Variants in SECTM1 observed in about 807,000 individuals in gnomAD.
SECTM1 encodes secreted and transmembrane 1.
Under a neutral mutation model 18.1 loss-of-function variants are expected in SECTM1, and 10 were observed. The ratio of observed to expected loss-of-function variants is 0.55; its 90% CI spans 0.34 to 0.94. The LOEUF is 0.94. Ranked by LOEUF, SECTM1 falls within the 40% of genes least tolerant of loss-of-function variation. SECTM1 has a pLI of 0.02. For missense variants in SECTM1, 297 were observed against 322.6 expected, an observed-to-expected ratio of 0.92 and a Z score of 0.61; for synonymous variants, 137 against 139.2, an observed-to-expected ratio of 0.98 and a Z score of 0.11.
In SECTM1 at chr17:82,323,003, G is replaced by A. The variant is rs1242360294; in HGVS notation, c.412C>T (p.Pro138Ser). 6.2e-7 allele frequency: 1 copy of A among 1,612,226 alleles called. No homozygotes were observed. Among genetic ancestry groups the A allele is most frequent in the African/African-American group, 1.3e-5 (1 of 75,016 alleles). The change falls in exon 4 of 5, where the codon CCC becomes TCC. Residue 138 changes from proline (P) to serine (S), a missense_variant. By Grantham distance (74) the Pro-to-Ser change is moderately conservative. Transcript: ENST00000269389. ...QVTLEVSGAEPQSAPDTGFWP... is the reference protein window; with the variant it reads ...QVTLEVSGAESQSAPDTGFWP... ...AACCCAGTGTCGGGGGCGGACTGGGGTTCTGCACCTGAAGGAGGCAGTTCA... is the reference window on the plus strand; with the variant it reads ...AACCCAGTGTCGGGGGCGGACTGGGATTCTGCACCTGAAGGAGGCAGTTCA...
rs1043492022 is a variant in SECTM1, at chr17:82,330,001, T to C, written c.-52-2709A>G. 6.6e-6 allele frequency among the ~76,000 whole-genome samples: 1 copy of C among 152,156 alleles called. No individual in the cohort carries two copies. Among genetic ancestry groups the C allele is most frequent in the Non-Finnish European group, 1.5e-5 (1 of 68,016 alleles). ...ATGAGGACGTGACATCTTTGGGGAC[T>C]GGTAGCCGACCACAGAACCCCCACC... is the stretch of plus-strand genomic sequence containing the variant. On this transcript the variant is annotated intron_variant, in intron 1 of 4. Transcript: ENST00000269389. The surrounding 1 kb of genome is among the most constrained non-coding windows in gnomAD (Gnocchi z 6.1).
At position 82,323,019 on chromosome 17, in the gene SECTM1, A is replaced by C. The variant is rs372137627; in HGVS notation, c.404-8T>G. On this transcript the variant is annotated splice_polypyrimidine_tract_variant and splice_region_variant and intron_variant, in intron 3 of 4. Coordinates refer to ENST00000269389, the MANE Select transcript of SECTM1 (RefSeq NM_003004.3). ...CGGACTGGGGTTCTGCACCTGAAGG[A>C]GGCAGTTCAGGGGTGTACAGGTGGG... The C allele has an allele frequency of 1.8e-5, 29 of 1,608,092 alleles. No individual in the cohort carries two copies. The African/African-American group carries it at 3.3e-4, about 19-fold the overall frequency.
Position 82,328,822 on chromosome 17 carries a change from C to T in SECTM1, c.-52-1530G>A, listed in dbSNP as rs1480215850. On this transcript the variant is annotated intron_variant, in intron 1 of 4. Coordinates refer to ENST00000269389, the MANE Select transcript of SECTM1 (RefSeq NM_003004.3). The surrounding 1 kb of genome is among the most constrained non-coding windows in gnomAD (Gnocchi z 5.8). ...GGTTCGTGGCCAGGCTGCCCTGCCT[C>T]TCGGGTGCCTGCACCCCTGCTAGGA... is the stretch of plus-strand genomic sequence containing the variant. Among the ~76,000 whole-genome samples the T allele has an allele frequency of 6.6e-6, 1 of 152,166 alleles. No individual in the cohort carries two copies. Among genetic ancestry groups the T allele is most frequent in the East Asian group, 1.9e-4 (1 of 5,184 alleles).
rs1028524548 is a variant in SECTM1 at position 82,325,641 on chromosome 17, G to A, written c.95-751C>T. ...TCCTGGGTGAACCCTGCCCCATAGC[G>A]ACCCGTGCAGCTGCTTCCCTCAGAG... On this transcript the variant is annotated intron_variant, in intron 2 of 4. Transcript: ENST00000269389. This position sits in a 1 kb window ranked among gnomAD's most constrained non-coding sequence, Gnocchi z 7.6. 2.0e-5 allele frequency among the ~76,000 whole-genome samples: 3 copies of A among 152,180 alleles called. No homozygotes were observed. The highest frequency in any genetic ancestry group is 2.9e-5 in the Non-Finnish European group (2 of 68,030).
chr17:82,323,256 C>T (rs960921743), intron 3 of SECTM1: 1 of 526,746 alleles, frequency 1.9e-6, no homozygotes, highest in Non-Finnish European at 3.4e-6. Context: ...GAAACATCTA[C>T]CCCTGGATGT....
chr17:82,322,175 C>G lies in SECTM1; in HGVS notation c.733G>C (p.Ala245Pro). Residue 245 changes from alanine (A) to proline (P), a missense_variant, in exon 5 of 5, where the codon GCC (alanine) becomes CCC (proline). Coordinates refer to ENST00000269389, the MANE Select transcript of SECTM1 (RefSeq NM_003004.3). ...LLSPQPLFPY[A>P]ADP ...CTTGCAGGCGGCTATGGGTCTGCGGCATATGGAAACAAGGGTTGGGGGGAC... is the reference window on the plus strand; with the variant it reads ...CTTGCAGGCGGCTATGGGTCTGCGGGATATGGAAACAAGGGTTGGGGGGAC... 1 of 1,613,756 alleles carries G rather than the reference C, an allele frequency of 6.2e-7. No homozygotes were observed. Among genetic ancestry groups the G allele is most frequent in the South Asian group, 1.1e-5 (1 of 91,084 alleles).
chr17:82,332,988 C>T (rs992560296), intron 1 of SECTM1, among the ~76,000 whole-genome samples: 2 of 152,252 alleles, frequency 1.3e-5, no homozygotes, highest in Admixed American at 1.3e-4. Flanking sequence ...CAGTAGTGGG[C>T]AAGGAACTGA....
rs765102106 is a variant in SECTM1 at position 82,324,805 on chromosome 17, G to A, written c.180C>T (p.Ala60=). Residue 60 remains alanine (A), a synonymous_variant, in exon 3 of 5, where the codon GCC becomes GCT. Coordinates refer to ENST00000269389, the MANE Select transcript of SECTM1 (RefSeq NM_003004.3). The part of the protein sequence containing the change: ...NTVMSCNISN[A]FSHVNIKLRA... The stretch of plus-strand genomic sequence containing the variant: ...GCAGCTTGATGTTGACATGGGAGAA[G>A]GCGTTGGAGATGTTGCAGGACATGA... The A allele has an allele frequency of 6.2e-7, 1 of 1,614,132 alleles. No homozygotes were observed. The highest frequency in any genetic ancestry group is 1.1e-5 in the South Asian group (1 of 91,082).
chr17:82,324,867 C>A lies in SECTM1; in HGVS notation c.118G>T (p.Glu40Ter), dbSNP rs746572034. Reference protein sequence around the residue: ...NEGWDSPICTEGVVSVSWGEN... With the variant: ...NEGWDSPICT ...CCCCAAGACACAGAGACTACCCCCT[C>A]TGTGCAGATGGGGCTGTCCCAGCCT... The change falls in exon 3 of 5, where the codon GAG becomes TAG. Residue 40 changes from glutamate (E) to a stop codon, truncating the protein, a stop_gained. Transcript: ENST00000269389. LOFTEE classifies it high-confidence loss of function. 6.2e-7 allele frequency: 1 copy of A among 1,613,254 alleles called. No individual in the cohort carries two copies. The highest frequency in any genetic ancestry group is 2.2e-5 in the East Asian group (1 of 44,852).
intron 1 of SECTM1, 44 bp from the exon 2 acceptor site, chr17:82,327,336 T>G: frequency 1.8e-6 from 2 of 1,140,818 alleles, no homozygotes; most frequent in Non-Finnish European, 2.5e-6. Context: ...CTGCAGCTGC[T>G]GAAGGGGACA....
At chr17:82,333,142 C>T (rs1394243059) in intron 1 of SECTM1, among the ~76,000 whole-genome samples, 2 of 152,220 alleles carry the variant, frequency 1.3e-5, no homozygotes, top group African/African-American at 2.4e-5. Context: ...GTGCAACAGT[C>T]CACGCGTGCC....
Position 82,330,958 on chromosome 17 carries a change from C to T in SECTM1, c.-53+2742G>A, listed in dbSNP as rs1218502530. ...AGTCCCTTTAGCCCAACTGTGGTGG[C>T]GGCCGCTGCTTCTCACACGCGGGTC... On this transcript the variant is annotated intron_variant, in intron 1 of 4. Transcript: ENST00000269389. This position sits in a 1 kb window ranked among gnomAD's most constrained non-coding sequence, Gnocchi z 6.1. Among the ~76,000 whole-genome samples, 6 of 152,198 alleles carry T rather than the reference C, an allele frequency of 3.9e-5. No individual in the cohort carries two copies. The highest frequency in any genetic ancestry group is 1.4e-4 in the African/African-American group (6 of 41,448).
chr17:82,331,410 CA>C (rs2052190571), intron 1 of SECTM1, among the ~76,000 whole-genome samples: 1 of 152,130 alleles, frequency 6.6e-6, no homozygotes, highest in Non-Finnish European at 1.5e-5. Flanking sequence ...CTCCGTTTAT[CA>C]GAAGAAAACG....
rs2052185917 is a variant in SECTM1, at chr17:82,330,874, A to G, written c.-53+2826T>C. ...CCGTCTTTCTGGCCTCATCCTCTCCATGGTCTCAGCCCCTGGCGGCCTGGA... is the reference window on the plus strand; with the variant it reads ...CCGTCTTTCTGGCCTCATCCTCTCCGTGGTCTCAGCCCCTGGCGGCCTGGA... On this transcript the variant is annotated intron_variant, in intron 1 of 4. Transcript: ENST00000269389. The surrounding 1 kb of genome is among the most constrained non-coding windows in gnomAD (Gnocchi z 6.1). 6.6e-6 allele frequency among the ~76,000 whole-genome samples: 1 copy of G among 151,498 alleles called. No individual in the cohort carries two copies. The highest frequency in any genetic ancestry group is 2.4e-5 in the African/African-American group (1 of 41,184).
At position 82,325,594 on chromosome 17, in the gene SECTM1, G is replaced by A. The variant is rs900834232; in HGVS notation, c.95-704C>T. ...GGTCAAGTCCTTGACACAAGCCGGCGTGTCAGTCTCTCTCTCCCGCCTCCT... is the reference window on the plus strand; with the variant it reads ...GGTCAAGTCCTTGACACAAGCCGGCATGTCAGTCTCTCTCTCCCGCCTCCT... On this transcript the variant is annotated intron_variant, in intron 2 of 4. Coordinates refer to ENST00000269389, the MANE Select transcript of SECTM1 (RefSeq NM_003004.3). This position sits in a 1 kb window ranked among gnomAD's most constrained non-coding sequence, Gnocchi z 7.6. 3.3e-5 allele frequency among the ~76,000 whole-genome samples: 5 copies of A among 152,218 alleles called. No homozygotes were observed. The highest frequency in any genetic ancestry group is 5.9e-5 in the Non-Finnish European group (4 of 68,038).
At chr17:82,333,137 A>G (rs1010871604) in intron 1 of SECTM1, among the ~76,000 whole-genome samples, 17 of 152,202 alleles carry the variant, frequency 1.1e-4, no homozygotes, top group African/African-American at 3.6e-4. Context: ...GGAGTGTGCA[A>G]CAGTCCACGC....
Position 82,325,100 on chromosome 17 carries a change from GTA to G in SECTM1, c.95-212_95-211del, listed in dbSNP as rs748915177. On this transcript the variant is annotated intron_variant, in intron 2 of 4. Transcript: ENST00000269389. The surrounding 1 kb of genome is among the most constrained non-coding windows in gnomAD (Gnocchi z 7.6). ...AAAAGACGGGTGGCTCTGTGTGTGT[GTA>G]TGTGTGTGTGTGTGCGTGCTCACAC... Among the ~76,000 whole-genome samples, 49 of 152,142 alleles carry G rather than the reference GTA, an allele frequency of 3.2e-4. No homozygotes were observed. The highest frequency in any genetic ancestry group is 6.3e-4 in the Non-Finnish European group (43 of 68,016).
chr17:82,327,984 G>C (rs1266479158), intron 1 of SECTM1: 1 of 98,220 alleles, frequency 1.0e-5, no homozygotes, highest in Non-Finnish European at 2.0e-5. Flanking sequence ...TCCCCAGCCT[G>C]TCCATCAGCC....
chr17:82,324,560 G>A, intron 3 of SECTM1, 22 bp downstream of exon 3: 1 of 967,438 alleles, frequency 1.0e-6, no homozygotes, highest in Non-Finnish European at 1.3e-6. Context: ...CCTCCCCCTT[G>A]CTTCCCCGAG....
Sources: allele counts gnomAD v4.1 joint callset (sites outside exome capture counted in the v4.1 genomes callset), GRCh38; gene constraint gnomAD v4.1.1; non-coding constraint Gnocchi (gnomAD v3.1); transcripts MANE v1.5; gene names NCBI Gene and HGNC (gene_info 2026-07-23, HGNC 2026-07-21).